Variants in CDH13 observed in about 807,000 individuals in gnomAD.
CDH13 encodes cadherin 13.
In CDH13, 24 loss-of-function variants were observed where a neutral mutation model predicts 63.8. The ratio of observed to expected loss-of-function variants is 0.38; its 90% CI spans 0.27 to 0.53. The LOEUF (loss-of-function observed/expected upper bound fraction) is 0.53, where lower values mean the gene tolerates loss of function less well. CDH13 is among the 20% of genes least tolerant of loss of function. CDH13 has a pLI of 0.85. For missense variants in CDH13, 1,049 were observed against 903.1 expected (o/e 1.16, Z -2.07); for synonymous variants, 503 against 355.3 (o/e 1.42, Z -4.67).
At chr16:82,661,131 C>G (rs553605349) in intron 1 of CDH13, among the ~76,000 whole-genome samples, 3 of 152,266 alleles carry the variant, frequency 2.0e-5, no homozygotes, top group South Asian at 2.1e-4. Flanking sequence ...TACAGCTGTC[C>G]GTTTCCTTTG....
At position 83,047,468 on chromosome 16, in the gene CDH13, T is replaced by G. The variant is rs984713999; in HGVS notation, c.366+15250T>G. On this transcript the variant is annotated intron_variant, in intron 3 of 13. Transcript: ENST00000567109. This position sits in a 1 kb window ranked among gnomAD's most constrained non-coding sequence, Gnocchi z 4.9. ...CCAGTCTTATTTACCTTGTTATCTG[T>G]AATTTCCTCTTTCCCTCAGGCCTTT... Among the ~76,000 whole-genome samples the G allele has an allele frequency of 3.9e-5, 6 of 152,110 alleles. No individual in the cohort carries two copies. The highest frequency in any genetic ancestry group is 7.3e-5 in the Non-Finnish European group (5 of 68,038).
rs115397727 is a variant in CDH13 at position 82,727,845 on chromosome 16, A to G, written c.45+100708A>G. 7.0e-3 allele frequency among the ~76,000 whole-genome samples: 1,059 copies of G among 152,100 alleles called. 10 individuals carry two copies. The highest frequency in any genetic ancestry group is 0.025 in the African/African-American group (1,018 of 41,510). On this transcript the variant is annotated intron_variant, in intron 1 of 13. Transcript: ENST00000567109. ...AATGGTGAGCAGACCCACTCCACCCATCTTTGCCATTCAAGTCTACAGCAT... is the reference window on the plus strand; with the variant it reads ...AATGGTGAGCAGACCCACTCCACCCGTCTTTGCCATTCAAGTCTACAGCAT...
intron 2 of CDH13, among the ~76,000 whole-genome samples, chr16:83,020,895 C>G (rs1378033565): frequency 1.3e-5 from 2 of 152,220 alleles, no homozygotes; most frequent in Admixed American, 6.5e-5. Context: ...TCACATGTCC[C>G]TAGACAACCC....
chr16:82,628,529 C>G (rs1365598892), intron 1 of CDH13, among the ~76,000 whole-genome samples: 1 of 152,010 alleles, frequency 6.6e-6, no homozygotes, highest in Non-Finnish European at 1.5e-5. Flanking sequence ...GGTGATAGTA[C>G]CAGGGGAGAT....
intron 11 of CDH13, chr16:83,772,985 G>A (rs1212835856): frequency 1.3e-5 from 2 of 152,268 alleles, no homozygotes; most frequent in Non-Finnish European, 2.9e-5. Context: ...TTAAGAGCTG[G>A]GATGAGCTAA....
intron 7 of CDH13, among the ~76,000 whole-genome samples, chr16:83,502,374 G>T (rs2074302452): frequency 6.6e-6 from 1 of 151,854 alleles, no homozygotes; most frequent in Non-Finnish European, 1.5e-5. Context: ...CAGAGCTTCT[G>T]GCATCTAAAA....
chr16:82,715,814 C>T (rs1313707213), intron 1 of CDH13, among the ~76,000 whole-genome samples: 1 of 152,210 alleles, frequency 6.6e-6, no homozygotes, highest in African/African-American at 2.4e-5. Flanking sequence ...AGTCTCACCT[C>T]ATTCCTACCT....
chr16:83,040,831 T>C (rs959697847), intron 3 of CDH13, among the ~76,000 whole-genome samples: 5 of 152,218 alleles, frequency 3.3e-5, no homozygotes, highest in African/African-American at 1.2e-4. Context: ...TTCATAGTGA[T>C]TGCATTGTTA....
intron 4 of CDH13, among the ~76,000 whole-genome samples, chr16:83,214,305 C>T (rs1003677808): frequency 6.6e-6 from 1 of 151,906 alleles, no homozygotes; most frequent in Non-Finnish European, 1.5e-5. Flanking sequence ...CTAGGCCGGA[C>T]GTGGTGGCTC....
chr16:83,585,528 T>C (rs1906063730), intron 7 of CDH13, among the ~76,000 whole-genome samples: 1 of 152,082 alleles, frequency 6.6e-6, no homozygotes, highest in Non-Finnish European at 1.5e-5. Flanking sequence ...TTTGCAGTGC[T>C]CGTGACACAT....
chr16:83,543,510 A>C (rs1328624721), intron 7 of CDH13, among the ~76,000 whole-genome samples: 2 of 152,192 alleles, frequency 1.3e-5, no homozygotes, highest in African/African-American at 4.8e-5. Context: ...CTATTTAGCA[A>C]GTGCTGTGAT....
At chr16:82,932,576 A>G (rs1052554707) in intron 2 of CDH13, among the ~76,000 whole-genome samples, 1 of 152,242 alleles carries the variant, frequency 6.6e-6, no homozygotes, top group Admixed American at 6.5e-5. Flanking sequence ...TAGCCCGTCC[A>G]GTGAGGTAGA....
intron 3 of CDH13, among the ~76,000 whole-genome samples, chr16:83,087,991 C>T (rs780005051): frequency 1.9e-4 from 29 of 152,140 alleles, no homozygotes; most frequent in Admixed American, 4.6e-4. Context: ...CAGTGTGCAG[C>T]CTTCAGCGGC....
intron 13 of CDH13, chr16:83,790,006 C>T (rs373071317): frequency 1.2e-4 from 18 of 152,044 alleles, no homozygotes; most frequent in African/African-American, 3.9e-4. Flanking sequence ...AGAAGATAAT[C>T]ACGTCACATT....
At chr16:83,707,681 A>G (rs954059116) in intron 10 of CDH13, among the ~76,000 whole-genome samples, 5 of 151,952 alleles carry the variant, frequency 3.3e-5, no homozygotes, top group Non-Finnish European at 5.9e-5. Flanking sequence ...TATCCCTGAC[A>G]TGCCGCACTG....
At chr16:82,785,707 T>A (rs2151123888) in intron 1 of CDH13, among the ~76,000 whole-genome samples, 1 of 152,338 alleles carries the variant, frequency 6.6e-6, no homozygotes, top group Non-Finnish European at 1.5e-5. Context: ...TTAGAAAACT[T>A]AGGAATCAAA....
intron 2 of CDH13, among the ~76,000 whole-genome samples, chr16:83,026,893 A>G (rs1045907439): frequency 2.0e-5 from 3 of 152,154 alleles, no homozygotes; most frequent in Admixed American, 6.5e-5. Context: ...GACTTCACCA[A>G]TGAGCTAGGT....
chr16:82,790,775 A>G (rs2036260909), intron 1 of CDH13, among the ~76,000 whole-genome samples: 1 of 152,158 alleles, frequency 6.6e-6, no homozygotes, highest in African/African-American at 2.4e-5. Flanking sequence ...GGGAAGAGGG[A>G]GGAGTCCCTT....
At chr16:83,182,540 G>T (rs1242390228) in intron 4 of CDH13, among the ~76,000 whole-genome samples, 1 of 152,186 alleles carries the variant, frequency 6.6e-6, no homozygotes, top group Non-Finnish European at 1.5e-5. Flanking sequence ...CAGTCTCTAA[G>T]CTTTGTCCTT....
Sources: allele counts gnomAD v4.1 joint callset (sites outside exome capture counted in the v4.1 genomes callset), GRCh38; gene constraint gnomAD v4.1.1; non-coding constraint Gnocchi (gnomAD v3.1); transcripts MANE v1.5; gene names NCBI Gene and HGNC (gene_info 2026-07-23, HGNC 2026-07-21).